The following ILKAP variants were observed in gnomAD, a reference collection of about 807,000 sequenced individuals.
ILKAP encodes integrin-linked kinase-associated serine/threonine phosphatase 2C.
ILKAP carries 11 observed loss-of-function variants against 49.1 expected under a neutral mutation model. The ratio of observed to expected loss-of-function variants is 0.22; its 90% confidence interval spans 0.14 to 0.37. The LOEUF is 0.37. Ranked by LOEUF, ILKAP falls within the 10% of genes least tolerant of loss-of-function variation. The pLI, the probability that ILKAP is intolerant of heterozygous loss-of-function variation, is 1.00. For synonymous variants in ILKAP, 186 were observed against 192.8 expected (o/e 0.96, Z 0.29); for missense variants, 363 against 510.8 (o/e 0.71, Z 2.79).
chr2:238,196,301 G>A (rs190294754), intron 1 of ILKAP, among the ~76,000 whole-genome samples: 19 of 152,152 alleles, frequency 1.2e-4, no homozygotes, highest in African/African-American at 3.6e-4. Context: ...ATATTGACCA[G>A]GCTAGTCTTG....
intron 1 of ILKAP, among the ~76,000 whole-genome samples, chr2:238,201,768 A>G (rs1444741870): frequency 6.6e-6 from 1 of 152,108 alleles, no homozygotes; most frequent in Non-Finnish European, 1.5e-5. Flanking sequence ...TGCTGTCCCA[A>G]ATATATTCAG....
rs775263070 is a variant in ILKAP, at chr2:238,194,260, T to C, written c.178+15A>G. 8.7e-6 allele frequency: 14 copies of C among 1,612,552 alleles called. No homozygotes were observed. Among genetic ancestry groups the C allele is most frequent in the Non-Finnish European group, 1.2e-5 (14 of 1,178,546 alleles). ...ATTATTTCCATCAGCACCTTGGATT[T>C]TTCCTACCACTTACCTGAATCGCCA... On this transcript the variant is annotated intron_variant, in intron 3 of 11. Coordinates refer to ENST00000254654, the MANE Select transcript of ILKAP (RefSeq NM_030768.3).
chr2:238,177,834 C>T (rs906069464), intron 9 of ILKAP, among the ~76,000 whole-genome samples: 10 of 152,178 alleles, frequency 6.6e-5, no homozygotes, highest in Non-Finnish European at 8.8e-5. Flanking sequence ...TGGGTATATA[C>T]GCAGAGGTGG....
At chr2:238,202,869 G>A (rs940551638) in intron 1 of ILKAP, among the ~76,000 whole-genome samples, 4 of 149,248 alleles carry the variant, frequency 2.7e-5, no homozygotes, top group Non-Finnish European at 4.4e-5. Flanking sequence ...AAGGAGAGGG[G>A]GAACTTCCCG....
intron 9 of ILKAP, among the ~76,000 whole-genome samples, chr2:238,175,563 G>A (rs1382061270): frequency 6.6e-6 from 1 of 152,190 alleles, no homozygotes; most frequent in East Asian, 1.9e-4. Context: ...TACGTAGGAT[G>A]TGCACATTCA....
intron 9 of ILKAP, among the ~76,000 whole-genome samples, chr2:238,175,120 CTCTT>C (rs963756409): frequency 2.9e-4 from 40 of 139,706 alleles, no homozygotes; most frequent in African/African-American, 9.8e-4. Flanking sequence ...CTCTCATTCT[CTCTT>C]TTTTTTTTTA....
rs1694668990 is a variant in ILKAP, at chr2:238,203,577, A to G, written c.-24T>C. 5 of 1,146,846 alleles carry G rather than the reference A, an allele frequency of 4.4e-6. No homozygotes were observed. The highest frequency in any genetic ancestry group is 2.1e-6 in the Non-Finnish European group (2 of 931,018). 71.0% of individuals were successfully genotyped at this position (1,146,846 alleles called of 1,614,324 possible). On this transcript the variant is annotated 5_prime_UTR_variant, in exon 1 of 12. Coordinates refer to ENST00000254654, the MANE Select transcript of ILKAP (RefSeq NM_030768.3). ...ATGGCGGAGGCTGGGTGGAGGCGGC[A>G]GCAGCGACAGACACTCAGCCCGCGA...
At chr2:238,184,516 T>C (rs917305065) in intron 6 of ILKAP, among the ~76,000 whole-genome samples, 1 of 152,070 alleles carries the variant, frequency 6.6e-6, no homozygotes, top group African/African-American at 2.4e-5. Context: ...TGCACATCAA[T>C]TGATTTTCAA....
chr2:238,181,682 G>T (rs1464064164), intron 9 of ILKAP, among the ~76,000 whole-genome samples: 1 of 151,016 alleles, frequency 6.6e-6, no homozygotes, highest in Non-Finnish European at 1.5e-5. Context: ...GAGTGCAGTG[G>T]TGCGATCTTG....
chr2:238,194,340 C>A lies in ILKAP; in HGVS notation c.122-9G>T. On this transcript the variant is annotated splice_polypyrimidine_tract_variant and intron_variant, in intron 2 of 11. Coordinates refer to ENST00000254654, the MANE Select transcript of ILKAP (RefSeq NM_030768.3). Reference sequence around the variant, plus strand: ...CAAAGGTCCCCCTGATCCTGAAACACAGCAGAACACTTAGTGAGCCCACAA... The same window carrying A: ...CAAAGGTCCCCCTGATCCTGAAACAAAGCAGAACACTTAGTGAGCCCACAA... 6.2e-7 allele frequency: 1 copy of A among 1,613,864 alleles called. No individual in the cohort carries two copies. Among genetic ancestry groups the A allele is most frequent in the South Asian group, 1.1e-5 (1 of 91,058 alleles).
At chr2:238,192,355 T>TA (rs1694166946) in intron 3 of ILKAP, among the ~76,000 whole-genome samples, 1 of 152,200 alleles carries the variant, frequency 6.6e-6, no homozygotes, top group African/African-American at 2.4e-5. Flanking sequence ...GAGGCTTATT[T>TA]TATGGCTTAG....
chr2:238,197,903 G>A (rs1296610155), intron 1 of ILKAP, among the ~76,000 whole-genome samples: 2 of 151,986 alleles, frequency 1.3e-5, no homozygotes, highest in African/African-American at 2.4e-5. Context: ...ATTATTTACC[G>A]ATGAAAAAAC....
rs35635182 is a variant in ILKAP at position 238,194,294 on chromosome 2, G to T, written c.159C>A (p.Pro53=). The T allele has an allele frequency of 6.1e-4, 987 of 1,613,926 alleles. 5 individuals carry two copies. In the African/African-American group the frequency reaches 0.011, roughly 18 times the overall value. Residue 53 remains proline (P), a synonymous_variant, in exon 3 of 12, where the codon CCC becomes CCA. Transcript: ENST00000254654. ...ACTTACCTGAATCGCCACTGCTAGC[G>T]GGTGGGAGATCATCAAAAAGCAAAG... ...GGPLLFDDLP[P]ASSGDSGSLA...
At chr2:238,196,219 T>TC (rs1194480502) in intron 1 of ILKAP, among the ~76,000 whole-genome samples, 1 of 150,894 alleles carries the variant, frequency 6.6e-6, no homozygotes, top group Non-Finnish European at 1.5e-5. Context: ...GCCTCCTGAG[T>TC]AGGTGAGATC....
chr2:238,170,749 A>G (rs1017907768), intron 11 of ILKAP, 73 bp from the exon 12 acceptor site: 140 of 1,598,262 alleles, frequency 8.8e-5, no homozygotes, highest in Non-Finnish European at 1.2e-4. Flanking sequence ...CATGACTGCC[A>G]GGAAGAAGAG....
At chr2:238,197,127 C>T (rs532249051) in intron 1 of ILKAP, among the ~76,000 whole-genome samples, 1 of 152,168 alleles carries the variant, frequency 6.6e-6, no homozygotes, top group South Asian at 2.1e-4. Flanking sequence ...ACCTGGGAGG[C>T]GGAGGTTGCG....
At chr2:238,203,083 G>C (rs1694639818) in intron 1 of ILKAP, among the ~76,000 whole-genome samples, 1 of 151,714 alleles carries the variant, frequency 6.6e-6, no homozygotes, top group South Asian at 2.1e-4. Context: ...GGTGAAGTGC[G>C]GCCCGGAAGC....
chr2:238,202,603 C>G (rs1247573735), intron 1 of ILKAP, among the ~76,000 whole-genome samples: 1 of 152,172 alleles, frequency 6.6e-6, no homozygotes, highest in African/African-American at 2.4e-5. Flanking sequence ...ATCTGAACGT[C>G]TTAAGTTTTC....
chr2:238,184,014 A>C lies in ILKAP; in HGVS notation c.626+6T>G, dbSNP rs940402275. ...CACTCAAACTTCATCATCAAGTTAT[A>C]CTTACTGGCTGGAAGCTTGTTTAAG... is the stretch of plus-strand genomic sequence containing the variant. On this transcript the variant is annotated splice_donor_region_variant and intron_variant, in intron 7 of 11. Coordinates refer to ENST00000254654, the MANE Select transcript of ILKAP (RefSeq NM_030768.3). The C allele has an allele frequency of 1.9e-6, 3 of 1,554,954 alleles. No individual in the cohort carries two copies. The East Asian group carries it at 6.7e-5, about 35-fold the overall frequency.
Sources: gnomAD v4.1 joint callset for allele counts (sites outside exome capture counted in the v4.1 genomes callset) on GRCh38, gnomAD v4.1.1 for gene constraint, MANE v1.5 for transcripts, NCBI Gene and HGNC (gene_info 2026-07-23, HGNC 2026-07-21) for gene names.